Variants in AFF3 observed in about 807,000 individuals in gnomAD.
AFF3 encodes ALF transcription elongation factor 3.
A neutral mutation model predicts 129.7 loss-of-function variants in AFF3; 32 were observed. The ratio of observed to expected loss-of-function variants is 0.25; its 90% CI spans 0.19 to 0.33. AFF3 has a LOEUF of 0.33. Ranked by LOEUF, AFF3 falls within the 10% of genes least tolerant of loss-of-function variation. The pLI, the probability that AFF3 is intolerant of heterozygous loss-of-function variation, is 1.00. For missense variants in AFF3, 1,373 were observed against 1,592.0 expected, an observed-to-expected ratio of 0.86 and a Z score of 2.34; for synonymous variants, 644 against 635.4, an observed-to-expected ratio of 1.01 and a Z score of -0.20.
At position 100,061,858 on chromosome 2, in the gene AFF3, G is replaced by GT. The variant is rs957646694; in HGVS notation, c.53+42543_53+42544insA. On this transcript the variant is annotated intron_variant, in intron 4 of 24. Transcript: ENST00000672756. The stretch of plus-strand genomic sequence containing the variant: ...CCAAAGAGATGGGTAGCACAGTGGA[G>GT]GGGGGGGGGGTGCCGACTCTCAAGT... 1.9e-3 allele frequency among the ~76,000 whole-genome samples: 122 copies of GT among 63,914 alleles called. 1 individual carries two copies. Among genetic ancestry groups the GT allele is most frequent in the Middle Eastern group, 9.4e-3 (1 of 106 alleles). The allele number at this position is 63,914 out of a possible 152,430, so 41.9% of individuals were successfully genotyped here. A position where few individuals can be genotyped will look rare whatever the true frequency, so the allele number is the denominator to read the frequency against.
intron 8 of AFF3, among the ~76,000 whole-genome samples, chr2:99,769,728 T>C: frequency 6.6e-6 from 1 of 152,244 alleles, no homozygotes; most frequent in East Asian, 1.9e-4. Context: ...AGTAACATTG[T>C]AGTTCATGCA....
intron 18 of AFF3, among the ~76,000 whole-genome samples, chr2:99,573,812 A>C (rs1217014220): frequency 6.6e-6 from 1 of 152,164 alleles, no homozygotes; most frequent in Non-Finnish European, 1.5e-5. Flanking sequence ...GTTTGGCTGA[A>C]TGTGCTGATT....
intron 7 of AFF3, among the ~76,000 whole-genome samples, chr2:99,871,619 T>C (rs896013709): frequency 6.6e-6 from 1 of 152,138 alleles, no homozygotes; most frequent in Non-Finnish European, 1.5e-5. Context: ...AAAATATATT[T>C]TGAGAAATAA....
At chr2:100,009,863 C>G (rs17023418) in intron 4 of AFF3, among the ~76,000 whole-genome samples, 2 of 152,268 alleles carry the variant, frequency 1.3e-5, no homozygotes, top group Admixed American at 1.3e-4. Context: ...AGAACCAACA[C>G]TACCAATCAA....
intron 7 of AFF3, among the ~76,000 whole-genome samples, chr2:99,901,634 C>A (rs577876580): frequency 2.1e-4 from 32 of 152,204 alleles, no homozygotes; most frequent in Non-Finnish European, 4.3e-4. Flanking sequence ...ATGCATCCTC[C>A]AGTCTTTCTG....
chr2:99,834,582 C>A (rs1459389354), intron 8 of AFF3, among the ~76,000 whole-genome samples: 4 of 152,192 alleles, frequency 2.6e-5, no homozygotes, highest in Admixed American at 6.5e-5. Flanking sequence ...GCCCCCTCTA[C>A]TCCACCAAAA....
intron 4 of AFF3, among the ~76,000 whole-genome samples, chr2:100,027,813 T>C (rs532113259): frequency 2.3e-4 from 35 of 152,328 alleles, no homozygotes; most frequent in Non-Finnish European, 4.9e-4. Flanking sequence ...TTACCAGTCT[T>C]ACATAGCAAG....
intron 5 of AFF3, among the ~76,000 whole-genome samples, chr2:100,008,340 T>C (rs924477275): frequency 3.3e-5 from 5 of 152,190 alleles, no homozygotes; most frequent in Non-Finnish European, 7.3e-5. Flanking sequence ...GGAAGCAAGG[T>C]TATATTTCTG....
chr2:100,004,949 A>G (rs1681826856), intron 7 of AFF3, among the ~76,000 whole-genome samples: 1 of 152,050 alleles, frequency 6.6e-6, no homozygotes, highest in South Asian at 2.1e-4. Flanking sequence ...GGCCTTTTTG[A>G]AATATTCAGG....
At chr2:100,106,043 CGAATGAG>C in intron 2 of AFF3, 1 of 1,316,900 alleles carries the variant, frequency 7.6e-7, no homozygotes, top group Non-Finnish European at 1.0e-6. Flanking sequence ...CACCCACCTC[CGAATGAG>C]GATTAACAAA....
chr2:99,769,438 C>T (rs2105316780), intron 8 of AFF3, among the ~76,000 whole-genome samples: 1 of 152,318 alleles, frequency 6.6e-6, no homozygotes, highest in East Asian at 1.9e-4. Flanking sequence ...TTCCTCAGAA[C>T]AGCCATTTTG....
At chr2:99,815,472 C>T (rs1328693513) in intron 8 of AFF3, among the ~76,000 whole-genome samples, 3 of 152,210 alleles carry the variant, frequency 2.0e-5, no homozygotes, top group African/African-American at 7.2e-5. Flanking sequence ...GGCACTTACT[C>T]CATGCTGCTG....
At chr2:99,828,536 G>A (rs1307926977) in intron 8 of AFF3, among the ~76,000 whole-genome samples, 4 of 152,300 alleles carry the variant, frequency 2.6e-5, no homozygotes, top group Admixed American at 2.6e-4. Context: ...AACGTGTAGC[G>A]AGCTAGCAGA....
intron 11 of AFF3, among the ~76,000 whole-genome samples, chr2:99,697,034 G>A (rs1293382534): frequency 1.3e-5 from 2 of 152,148 alleles, no homozygotes; most frequent in African/African-American, 4.8e-5. Context: ...TCTTTCTAAG[G>A]GAGTGAGGCC....
At chr2:99,796,658 T>G (rs909765442) in intron 8 of AFF3, among the ~76,000 whole-genome samples, 2 of 152,192 alleles carry the variant, frequency 1.3e-5, no homozygotes, top group African/African-American at 4.8e-5. Context: ...CGGAGATTGC[T>G]GTACAGAGAG....
rs1682755000 is a variant in AFF3 at position 99,627,960 on chromosome 2, C to T, written c.1184+21666G>A. Among the ~76,000 whole-genome samples, 3 of 152,084 alleles carry T rather than the reference C, an allele frequency of 2.0e-5. No individual in the cohort carries two copies. The South Asian group carries it at 6.2e-4, about 32-fold the overall frequency. ...ACCAGTACCCATGTTGTTTTGGTTA[C>T]CATAGCCCTGTAGTATAGTTTGAAG... On this transcript the variant is annotated intron_variant, in intron 13 of 24. Transcript: ENST00000672756.
intron 13 of AFF3, among the ~76,000 whole-genome samples, chr2:99,647,264 C>A (rs557204391): frequency 1.8e-3 from 279 of 152,248 alleles, no homozygotes; most frequent in Non-Finnish European, 3.3e-3. Flanking sequence ...TGCCCATTAA[C>A]GATAGACTGG....
chr2:99,906,342 G>A (rs899612499), intron 7 of AFF3, among the ~76,000 whole-genome samples: 3 of 152,110 alleles, frequency 2.0e-5, no homozygotes, highest in African/African-American at 7.2e-5. Context: ...TGGCAGAGCT[G>A]GGCTTCAGAT....
chr2:99,652,276 G>A (rs1685330982), intron 12 of AFF3, among the ~76,000 whole-genome samples: 1 of 152,178 alleles, frequency 6.6e-6, no homozygotes, highest in Non-Finnish European at 1.5e-5. Flanking sequence ...CTCAACCGGG[G>A]CACCCATGAC....
Sources: allele counts gnomAD v4.1 joint callset (sites outside exome capture counted in the v4.1 genomes callset), GRCh38; gene constraint gnomAD v4.1.1; transcripts MANE v1.5; gene names NCBI Gene and HGNC (gene_info 2026-07-23, HGNC 2026-07-21).